GLDC: variants seen among roughly 807,000 people sequenced by gnomAD.
GLDC encodes the protein glycine decarboxylase.
GLDC carries 104 observed loss-of-function variants against 121.3 expected under a neutral mutation model. The observed-to-expected ratio is 0.86, with a 90% CI of 0.73 to 1.01. GLDC has a LOEUF of 1.01. Among genes scored for constraint, GLDC ranks in the 50% least tolerant of loss-of-function variants. The pLI, the probability that GLDC is intolerant of heterozygous loss-of-function variation, is 0.00. For synonymous variants in GLDC, 546 were observed against 480.6 expected (o/e 1.14, Z -1.78); for missense variants, 1,429 against 1,306.6 (o/e 1.09, Z -1.44).
At chr9:6,627,165 G>A (rs987060859) in intron 2 of GLDC, among the ~76,000 whole-genome samples, 1 of 151,634 alleles carries the variant, frequency 6.6e-6, no homozygotes, top group Non-Finnish European at 1.5e-5. Flanking sequence ...GTGTGTTGGC[G>A]GGCACCTGTA....
At chr9:6,559,516 TAAAAAAAAAAAA>T (rs56198084) in intron 16 of GLDC, among the ~76,000 whole-genome samples, 1 of 83,276 alleles carries the variant, frequency 1.2e-5, no homozygotes, top group African/African-American at 5.0e-5. Flanking sequence ...ACTCCGTATT[TAAAAAAAAAAAA>T]AAAAAAAAAA....
chr9:6,599,584 G>C (rs1037031551), intron 8 of GLDC, among the ~76,000 whole-genome samples: 1 of 152,094 alleles, frequency 6.6e-6, no homozygotes, highest in African/African-American at 2.4e-5. Flanking sequence ...AGTTGGGCAT[G>C]GTGGCAGGCG....
chr9:6,595,040 T>G lies in GLDC; in HGVS notation c.1235A>C (p.His412Pro). 6.2e-7 allele frequency: 1 copy of G among 1,608,828 alleles called. No individual in the cohort carries two copies. Among genetic ancestry groups the G allele is most frequent in the Non-Finnish European group, 8.5e-7 (1 of 1,175,142 alleles). ...TTCTGACAAAATCAAAGTGGCATTA[T>G]GTACCCTCCTAGCAATATGCTCCAG... is the stretch of plus-strand genomic sequence containing the variant. ...HGLEHIARRV[H>P]NATLILSEGL... Residue 412 changes from histidine (H) to proline (P), a missense_variant, in exon 9 of 25, where the codon CAT (histidine) becomes CCT (proline). By Grantham distance (77) the His-to-Pro change is moderately conservative. Transcript: ENST00000321612.
intron 21 of GLDC, chr9:6,541,473 A>C (rs1358319164): frequency 4.6e-5 from 7 of 152,198 alleles, no homozygotes; most frequent in African/African-American, 1.4e-4. Context: ...TCCAGTAATT[A>C]ATAGCCCCTG....
intron 4 of GLDC, 84 bp from the exon 5 acceptor site, chr9:6,606,753 G>T: frequency 1.2e-6 from 1 of 848,170 alleles, no homozygotes; most frequent in Non-Finnish European, 2.1e-6. Context: ...ACATAGTACC[G>T]AGGGTAAGTC....
At chr9:6,552,504 A>G (rs1245959499) in intron 20 of GLDC, among the ~76,000 whole-genome samples, 1 of 152,222 alleles carries the variant, frequency 6.6e-6, no homozygotes, top group African/African-American at 2.4e-5. Context: ...TGAGGTACAG[A>G]ATTGTTCCGG....
intron 20 of GLDC, among the ~76,000 whole-genome samples, chr9:6,553,113 A>G (rs1817549539): frequency 6.6e-6 from 1 of 152,148 alleles, no homozygotes; most frequent in South Asian, 2.1e-4. Context: ...AATATATCTG[A>G]TGTTTCAGTT....
intron 15 of GLDC, among the ~76,000 whole-genome samples, chr9:6,570,808 C>T (rs999042338): frequency 6.2e-5 from 9 of 145,530 alleles, no homozygotes; most frequent in African/African-American, 2.1e-4. Context: ...GAGCTGAGAT[C>T]GCACCACTGC....
intron 17 of GLDC, among the ~76,000 whole-genome samples, chr9:6,557,109 G>A (rs1474867395): frequency 6.6e-6 from 1 of 152,132 alleles, no homozygotes; most frequent in Non-Finnish European, 1.5e-5. Flanking sequence ...ACCACTGCAG[G>A]ATGACTATAT....
chr9:6,573,385 C>T (rs976217213), intron 15 of GLDC, among the ~76,000 whole-genome samples: 3 of 152,080 alleles, frequency 2.0e-5, no homozygotes, highest in South Asian at 2.1e-4. Flanking sequence ...CGCTTGAGCC[C>T]GGCAGGCAGA....
chr9:6,595,836 T>C (rs998153945), intron 8 of GLDC, among the ~76,000 whole-genome samples: 10 of 152,150 alleles, frequency 6.6e-5, no homozygotes, highest in East Asian at 5.8e-4. Flanking sequence ...CTCTGCAAAA[T>C]ACAGTTGATG....
chr9:6,540,513 T>C (rs1307308791), intron 21 of GLDC: 2 of 306,724 alleles, frequency 6.5e-6, no homozygotes, highest in Non-Finnish European at 1.3e-5. Context: ...ATGTGTTGTA[T>C]AGTCCTGATC....
chr9:6,540,023 G>A lies in GLDC; in HGVS notation c.2665+28C>T, dbSNP rs747306659. The A allele has an allele frequency of 2.5e-5, 34 of 1,385,328 alleles. No individual in the cohort carries two copies. In the East Asian group the frequency reaches 3.2e-4, roughly 13 times the overall value. 85.8% of individuals were successfully genotyped at this position (1,385,328 alleles called of 1,614,324 possible). On this transcript the variant is annotated intron_variant, in intron 22 of 24. Transcript: ENST00000321612. ...GAAGTGGTCCACAGCCAGCATGGGC[G>A]GCGGCATGAATGTCAAAAGCCACTT... is the stretch of plus-strand genomic sequence containing the variant.
chr9:6,613,267 T>C (rs1042362540), intron 3 of GLDC, among the ~76,000 whole-genome samples: 3 of 152,224 alleles, frequency 2.0e-5, no homozygotes, highest in African/African-American at 7.2e-5. Flanking sequence ...AACTTTAACA[T>C]AACTACAGTT....
rs187336296 is a variant in GLDC, at chr9:6,604,172, C to T, written c.1058+416G>A. ...GGAAATTACTCAAATGGCCACGTGG[C>T]GGAAGCCTCTAGGAAGGAACGCGGA... On this transcript the variant is annotated intron_variant, in intron 7 of 24. Coordinates refer to ENST00000321612, the MANE Select transcript of GLDC (RefSeq NM_000170.3). Among the ~76,000 whole-genome samples the T allele has an allele frequency of 1.4e-3, 212 of 152,220 alleles. 2 individuals carry two copies. Among genetic ancestry groups the T allele is most frequent in the Non-Finnish European group, 2.5e-3 (169 of 68,018 alleles).
Position 6,633,464 on chromosome 9 carries a change from G to C in GLDC, c.334+11150C>G, listed in dbSNP as rs186206836. ...CAACTTTTCCAAATGCATGTTCCAC[G>C]AATACCTCAAACCCAATTCTGCTCA... On this transcript the variant is annotated intron_variant, in intron 2 of 24. Transcript: ENST00000321612. Among the ~76,000 whole-genome samples, 45 of 152,176 alleles carry C rather than the reference G, an allele frequency of 3.0e-4. 1 individual carries two copies. Among genetic ancestry groups the C allele is most frequent in the Middle Eastern group, 3.4e-3 (1 of 294 alleles).
chr9:6,643,238 C>G lies in GLDC; in HGVS notation c.334+1376G>C, dbSNP rs1001233992. On this transcript the variant is annotated intron_variant, in intron 2 of 24. Coordinates refer to ENST00000321612, the MANE Select transcript of GLDC (RefSeq NM_000170.3). ...TAAAATGGAAATAGATAAGGCTTCC[C>G]TCCGACCATCCCTAAATCTCAATTA... Among the ~76,000 whole-genome samples the G allele has an allele frequency of 5.3e-5, 8 of 151,896 alleles. No homozygotes were observed. In the South Asian group the frequency reaches 1.7e-3, roughly 32 times the overall value.
chr9:6,587,259 T>G lies in GLDC; in HGVS notation c.1732A>C (p.Asn578His), dbSNP rs770315107. Residue 578 changes from asparagine to histidine, a missense_variant, in exon 15 of 25, where the codon AAC becomes CAC. Asn to His is a moderately conservative substitution (Grantham distance 68). Coordinates refer to ENST00000321612, the MANE Select transcript of GLDC (RefSeq NM_000170.3). ...LAPITWKEFA[N>H]IHPFVPLDQA... ...TCCAGAGGCACAAAGGGGTGGATGT[T>G]TGCAAATTCTTTCCATGTGATAGGC... The G allele has an allele frequency of 6.8e-6, 11 of 1,613,834 alleles. No individual in the cohort carries two copies. The African/African-American group carries it at 1.5e-4, about 22-fold the overall frequency.
intron 14 of GLDC, 38 bp from the exon 15 acceptor site, chr9:6,587,321 T>A: frequency 6.9e-7 from 1 of 1,440,878 alleles, no homozygotes; most frequent in South Asian, 1.1e-5. Context: ...ATATACATAT[T>A]ATAATAGCAA....
Sources: allele counts gnomAD v4.1 joint callset (sites outside exome capture counted in the v4.1 genomes callset), GRCh38; gene constraint gnomAD v4.1.1; transcripts MANE v1.5; gene names NCBI Gene and HGNC (gene_info 2026-07-23, HGNC 2026-07-21).